The following ASIC2 variants were observed in gnomAD, a reference collection of about 807,000 sequenced individuals.
ASIC2 encodes acid sensing ion channel subunit 2.
In ASIC2, 25 loss-of-function variants were observed where a neutral mutation model predicts 57.3. That is an observed-to-expected ratio of 0.44 (90% CI 0.32 to 0.61). The LOEUF (loss-of-function observed/expected upper bound fraction) is 0.61, where lower values mean the gene tolerates loss of function less well. Ranked by LOEUF, ASIC2 falls within the 20% of genes least tolerant of loss-of-function variation. The probability of loss-of-function intolerance (pLI) is 0.06; values close to 1 mark genes in which losing one functional copy is unlikely to be tolerated. For synonymous variants in ASIC2, 319 were observed against 307.5 expected, an observed-to-expected ratio of 1.04 and a Z score of -0.39; for missense variants, 641 against 738.1, an observed-to-expected ratio of 0.87 and a Z score of 1.52.
At chr17:33,196,605 C>T (rs966606369) in intron 1 of ASIC2, among the ~76,000 whole-genome samples, 3 of 152,170 alleles carry the variant, frequency 2.0e-5, no homozygotes, top group Admixed American at 1.3e-4. Context: ...GCCTGGGTCA[C>T]GGCAATGGCA....
rs189769990 is a variant in ASIC2 at position 33,904,223 on chromosome 17, C to A, written c.555+251755G>T. 8.8e-5 allele frequency among the ~76,000 whole-genome samples: 13 copies of A among 148,250 alleles called. No homozygotes were observed. In the East Asian group the frequency reaches 2.0e-3, roughly 23 times the overall value. On this transcript the variant is annotated intron_variant, in intron 1 of 9. Transcript: ENST00000359872. The stretch of plus-strand genomic sequence containing the variant: ...TATGATGATGAGAAAAGATGGAGAG[C>A]CTTGCTACTCAAGTGTGATCCCAGG...
rs577717353 is a variant in ASIC2, at chr17:33,925,399, C to T, written c.555+230579G>A. ...CATAGCATTCAAATGACCATTGAGT[C>T]CCTGCTTCTGGTGTACAGAACAAAG... On this transcript the variant is annotated intron_variant, in intron 1 of 9. Coordinates refer to the ASIC2 transcript ENST00000359872. Among the ~76,000 whole-genome samples, 7 of 152,354 alleles carry T rather than the reference C, an allele frequency of 4.6e-5. 1 individual carries two copies. In the South Asian group the frequency reaches 1.4e-3, roughly 32 times the overall value.
intron 1 of ASIC2, among the ~76,000 whole-genome samples, chr17:33,532,238 C>G (rs1915075231): frequency 6.6e-6 from 1 of 152,174 alleles, no homozygotes. Context: ...GGTCATTCAT[C>G]AAACCCATTT....
At chr17:34,135,369 G>A (rs1330767223) in intron 1 of ASIC2, among the ~76,000 whole-genome samples, 1 of 152,222 alleles carries the variant, frequency 6.6e-6, no homozygotes, top group East Asian at 1.9e-4. Context: ...TAGCATCTTC[G>A]TAGGAGAAGA....
intron 1 of ASIC2, among the ~76,000 whole-genome samples, chr17:33,717,881 C>T (rs985267008): frequency 5.3e-5 from 8 of 152,176 alleles, no homozygotes; most frequent in Admixed American, 5.2e-4. Context: ...AATGGTAGAT[C>T]TTCTTACAGT....
chr17:33,169,688 G>T (rs142586716), intron 1 of ASIC2, among the ~76,000 whole-genome samples: 34 of 152,292 alleles, frequency 2.2e-4, no homozygotes, highest in African/African-American at 7.0e-4. Flanking sequence ...TTGAGCTCAT[G>T]GAGGTGACTC....
chr17:33,994,635 A>G (rs532547288), intron 1 of ASIC2, among the ~76,000 whole-genome samples: 2 of 152,312 alleles, frequency 1.3e-5, no homozygotes, highest in South Asian at 2.1e-4. Context: ...TAGCTGTAGC[A>G]GGCACCGAGG....
At chr17:34,146,187 A>T (rs1320816220) in intron 1 of ASIC2, among the ~76,000 whole-genome samples, 1 of 152,136 alleles carries the variant, frequency 6.6e-6, no homozygotes, top group Non-Finnish European at 1.5e-5. Context: ...TGCTCATTTG[A>T]GTTATGAGGG....
chr17:33,049,384 A>T (rs1025340717), intron 3 of ASIC2, among the ~76,000 whole-genome samples: 1 of 152,148 alleles, frequency 6.6e-6, no homozygotes, highest in African/African-American at 2.4e-5. Context: ...GAGAATTTCT[A>T]TGTTTCATCA....
intron 1 of ASIC2, among the ~76,000 whole-genome samples, chr17:33,756,890 G>T (rs915239705): frequency 4.6e-5 from 7 of 152,188 alleles, no homozygotes; most frequent in Non-Finnish European, 8.8e-5. Flanking sequence ...AGTTCTGGAC[G>T]AGATAAGTTG....
At chr17:34,003,241 G>A (rs1906406865) in intron 1 of ASIC2, 1 of 152,168 alleles carries the variant, frequency 6.6e-6, no homozygotes, top group South Asian at 2.1e-4. Context: ...ATGAGACTTT[G>A]AGAAAATGAC....
At chr17:33,755,953 T>C (rs1910591496) in intron 1 of ASIC2, among the ~76,000 whole-genome samples, 1 of 152,000 alleles carries the variant, frequency 6.6e-6, no homozygotes, top group African/African-American at 2.4e-5. Flanking sequence ...ATAAGCAGGG[T>C]GGGGAAGGGA....
chr17:34,028,842 T>C (rs564749884), intron 1 of ASIC2, among the ~76,000 whole-genome samples: 45 of 152,310 alleles, frequency 3.0e-4, no homozygotes, highest in Non-Finnish European at 5.9e-5. Flanking sequence ...GATTGAATCT[T>C]TCTGGTTCCA....
intron 1 of ASIC2, among the ~76,000 whole-genome samples, chr17:33,452,985 G>GT (rs1225568976): frequency 2.0e-5 from 3 of 152,164 alleles, no homozygotes; most frequent in African/African-American, 4.8e-5. Context: ...GGGCCTTAGT[G>GT]TTTTTCCGCA....
intron 2 of ASIC2, among the ~76,000 whole-genome samples, chr17:33,104,127 A>G (rs2092225658): frequency 1.3e-5 from 2 of 152,226 alleles, no homozygotes; most frequent in South Asian, 4.1e-4. Context: ...TACATCTTCC[A>G]AAAATTGGCT....
intron 1 of ASIC2, among the ~76,000 whole-genome samples, chr17:33,808,326 A>G (rs1046596608): frequency 3.9e-5 from 6 of 152,218 alleles, no homozygotes; most frequent in Admixed American, 1.3e-4. Flanking sequence ...GTCCAAGATC[A>G]GTTAAGTATA....
At chr17:33,926,773 C>T (rs555290341) in intron 1 of ASIC2, among the ~76,000 whole-genome samples, 1 of 152,344 alleles carries the variant, frequency 6.6e-6, no homozygotes, top group South Asian at 2.1e-4. Flanking sequence ...CCTGTATCTG[C>T]TATTAAGCAA....
chr17:33,439,440 T>G (rs967309724), intron 1 of ASIC2, among the ~76,000 whole-genome samples: 5 of 152,146 alleles, frequency 3.3e-5, no homozygotes. Context: ...GAGAATTCCC[T>G]GAGAGGACTT....
At chr17:34,105,735 T>G (rs748857756) in intron 1 of ASIC2, among the ~76,000 whole-genome samples, 19 of 152,048 alleles carry the variant, frequency 1.2e-4, no homozygotes, top group Non-Finnish European at 2.5e-4. Context: ...TCTTGACATT[T>G]CAAGTTCTCT....
Sources: gnomAD v4.1 joint callset for allele counts (sites outside exome capture counted in the v4.1 genomes callset) on GRCh38, gnomAD v4.1.1 for gene constraint, MANE v1.5 for transcripts, NCBI Gene and HGNC (gene_info 2026-07-23, HGNC 2026-07-21) for gene names.